The following ITFG1 variants were observed in gnomAD, a reference collection of about 807,000 sequenced individuals.
ITFG1 encodes integrin alpha FG-GAP repeat containing 1.
A neutral mutation model predicts 81.8 loss-of-function variants in ITFG1; 34 were observed. The observed-to-expected ratio is 0.42, with a 90% CI of 0.32 to 0.55. ITFG1 has a LOEUF of 0.55. Among genes scored for constraint, ITFG1 ranks in the 20% least tolerant of loss-of-function variants. The pLI, the probability that ITFG1 is intolerant of heterozygous loss-of-function variation, is 0.17. For synonymous variants in ITFG1, 285 were observed against 270.6 expected (o/e 1.05, Z -0.52); for missense variants, 672 against 755.4 (o/e 0.89, Z 1.29).
intron 6 of ITFG1, among the ~76,000 whole-genome samples, chr16:47,388,724 ATAG>A (rs1454397761): frequency 2.6e-5 from 4 of 152,220 alleles, no homozygotes; most frequent in East Asian, 1.9e-4. Context: ...CTATAACCTA[ATAG>A]TAGTAGTAAC....
At chr16:47,399,500 G>A (rs529563524) in intron 6 of ITFG1, among the ~76,000 whole-genome samples, 4 of 152,124 alleles carry the variant, frequency 2.6e-5, no homozygotes, top group Admixed American at 6.5e-5. Context: ...GTGAACCCGG[G>A]AGGCAGAGCT....
chr16:47,364,019 G>A (rs1437499019), intron 8 of ITFG1, among the ~76,000 whole-genome samples: 3 of 152,174 alleles, frequency 2.0e-5, no homozygotes, highest in Admixed American at 6.5e-5. Flanking sequence ...TAGGTGGAAA[G>A]GAAGATGGAG....
At chr16:47,227,416 G>A (rs1409013632) in intron 13 of ITFG1, among the ~76,000 whole-genome samples, 3 of 152,126 alleles carry the variant, frequency 2.0e-5, no homozygotes, top group Non-Finnish European at 2.9e-5. Flanking sequence ...AGACATATTA[G>A]TGATGGTTCA....
chr16:47,302,367 T>C (rs1967089930), intron 10 of ITFG1, among the ~76,000 whole-genome samples: 1 of 151,938 alleles, frequency 6.6e-6, no homozygotes, highest in Admixed American at 6.5e-5. Context: ...TCTTTAGGTA[T>C]GACATTTTTG....
intron 6 of ITFG1, 60 bp from the exon 7 acceptor site, chr16:47,376,000 A>G (rs1284611382): frequency 6.5e-6 from 6 of 929,030 alleles, no homozygotes; most frequent in South Asian, 6.1e-5. Context: ...GTACATTTAA[A>G]AACAGAAAAA....
chr16:47,270,865 C>T (rs901634429), intron 10 of ITFG1, among the ~76,000 whole-genome samples: 1 of 151,114 alleles, frequency 6.6e-6, no homozygotes, highest in African/African-American at 2.5e-5. Context: ...ATCTAATCTA[C>T]AGCGACAGAA....
intron 14 of ITFG1, among the ~76,000 whole-genome samples, chr16:47,180,678 C>A (rs1230104234): frequency 6.6e-6 from 1 of 152,194 alleles, no homozygotes; most frequent in East Asian, 1.9e-4. Flanking sequence ...GTCTCGTTCA[C>A]TCAGTGCTCA....
intron 17 of ITFG1, among the ~76,000 whole-genome samples, chr16:47,157,294 G>A (rs965483770): frequency 2.6e-5 from 4 of 152,012 alleles, no homozygotes; most frequent in African/African-American, 9.7e-5. Context: ...AGAGGGCCAG[G>A]GGCAGACACT....
In ITFG1 at chr16:47,218,964, AAT is replaced by A; in HGVS notation, c.1375-20_1375-19del. 6.5e-7 allele frequency: 1 copy of A among 1,529,424 alleles called. No individual in the cohort carries two copies. Among genetic ancestry groups the A allele is most frequent in the Non-Finnish European group, 8.9e-7 (1 of 1,127,142 alleles). 94.7% of individuals were successfully genotyped at this position (1,529,424 alleles called of 1,614,324 possible). A position where few individuals can be genotyped will look rare whatever the true frequency, so the allele number is the denominator to read the frequency against. On this transcript the variant is annotated intron_variant, in intron 13 of 17. Transcript: ENST00000320640. ...CCAAAGGGCTGCAATAGAAAAAAAA[AAT>A]AGTTAAGGCTTGGAAAATAAGTGAA...
At chr16:47,323,531 G>T (rs944485958) in intron 8 of ITFG1, among the ~76,000 whole-genome samples, 9 of 152,062 alleles carry the variant, frequency 5.9e-5, no homozygotes, top group Non-Finnish European at 1.2e-4. Flanking sequence ...ATAACTGTAA[G>T]AAATAAATTT....
chr16:47,353,330 T>G (rs1294246075), intron 8 of ITFG1, among the ~76,000 whole-genome samples: 5 of 152,086 alleles, frequency 3.3e-5, no homozygotes, highest in Non-Finnish European at 7.4e-5. Flanking sequence ...AGAAAAAGCA[T>G]TTGACAGAAT....
chr16:47,222,290 T>C (rs545335782), intron 13 of ITFG1, among the ~76,000 whole-genome samples: 32 of 152,128 alleles, frequency 2.1e-4, no homozygotes, highest in African/African-American at 7.5e-4. Flanking sequence ...TGTTGTGTCT[T>C]TGTTCTCGTT....
At chr16:47,207,722 G>A (rs922501966) in intron 14 of ITFG1, among the ~76,000 whole-genome samples, 1 of 152,218 alleles carries the variant, frequency 6.6e-6, no homozygotes, top group African/African-American at 2.4e-5. Context: ...AGAACTTGCA[G>A]GGCCCTGGGG....
At chr16:47,449,761 A>T (rs1272132805) in intron 5 of ITFG1, 3 of 152,216 alleles carry the variant, frequency 2.0e-5, no homozygotes, top group Non-Finnish European at 4.4e-5. Flanking sequence ...TTCATGAAGC[A>T]GAGAAAAAAA....
chr16:47,197,527 T>C (rs1235133479), intron 14 of ITFG1, among the ~76,000 whole-genome samples: 2 of 152,232 alleles, frequency 1.3e-5, no homozygotes, highest in East Asian at 3.8e-4. Context: ...CTCCCTAAAA[T>C]GTATAAAATC....
chr16:47,406,432 G>C (rs1253543529), intron 6 of ITFG1, among the ~76,000 whole-genome samples: 1 of 152,148 alleles, frequency 6.6e-6, no homozygotes, highest in South Asian at 2.1e-4. Context: ...ATTTCATCAA[G>C]AGCTCCTTTT....
intron 10 of ITFG1, among the ~76,000 whole-genome samples, chr16:47,287,477 T>A (rs1055456256): frequency 3.3e-5 from 5 of 152,200 alleles, no homozygotes; most frequent in Non-Finnish European, 7.3e-5. Context: ...CACAGCTCAC[T>A]GCAGCCTTGA....
chr16:47,185,939 TCCCACA>T (rs1965207041), intron 14 of ITFG1, among the ~76,000 whole-genome samples: 1 of 152,064 alleles, frequency 6.6e-6, no homozygotes, highest in Non-Finnish European at 1.5e-5. Context: ...TCACCACCGA[TCCCACA>T]GAAATACAAA....
intron 7 of ITFG1, among the ~76,000 whole-genome samples, chr16:47,370,881 A>C (rs76277410): frequency 2.0e-5 from 3 of 152,330 alleles, no homozygotes; most frequent in African/African-American, 7.2e-5. Flanking sequence ...CACTGAAAAA[A>C]TCCTGTGTCA....
Sources: allele counts gnomAD v4.1 joint callset (sites outside exome capture counted in the v4.1 genomes callset), GRCh38; gene constraint gnomAD v4.1.1; transcripts MANE v1.5; gene names NCBI Gene and HGNC (gene_info 2026-07-23, HGNC 2026-07-21).